The following DCHS2 variants were observed in gnomAD, a reference collection of about 807,000 sequenced individuals.
The protein encoded by DCHS2 is protocadherin-23.
A neutral mutation model predicts 182.4 loss-of-function variants in DCHS2; 142 were observed. The observed-to-expected ratio is 0.78, with a 90% CI of 0.68 to 0.89. The LOEUF is 0.89. Among genes scored for constraint, DCHS2 ranks in the 40% least tolerant of loss-of-function variants. DCHS2 has a pLI of 0.00. For synonymous variants in DCHS2, 1,740 were observed against 1,663.3 expected (o/e 1.05, Z -1.12); for missense variants, 4,319 against 4,198.6 (o/e 1.03, Z -0.79).
At chr4:154,440,355 GTCTATAGTC>G (rs1157117502) in intron 1 of DCHS2, among the ~76,000 whole-genome samples, 1 of 152,152 alleles carries the variant, frequency 6.6e-6, no homozygotes, top group Non-Finnish European at 1.5e-5. Flanking sequence ...TTCAAAATCT[GTCTATAGTC>G]CCACTGTGCT....
chr4:154,253,663 A>ATTAT, intron 16 of DCHS2, among the ~76,000 whole-genome samples: 1 of 152,234 alleles, frequency 6.6e-6, no homozygotes, highest in East Asian at 1.9e-4. Context: ...ATGCTAAAAT[A>ATTAT]TTATTTTAAA....
At chr4:154,457,815 G>T (rs1038121221) in intron 1 of DCHS2, among the ~76,000 whole-genome samples, 3 of 152,094 alleles carry the variant, frequency 2.0e-5, no homozygotes, top group Non-Finnish European at 4.4e-5. Context: ...GTACACCTGG[G>T]GGGAGCACGA....
In DCHS2 at chr4:154,236,808, C is replaced by T. The variant is rs62330241; in HGVS notation, c.7844G>A (p.Gly2615Asp). 1 of 1,613,990 alleles carries T rather than the reference C, an allele frequency of 6.2e-7. No individual in the cohort carries two copies. The highest frequency in any genetic ancestry group is 8.5e-7 in the Non-Finnish European group (1 of 1,179,966). Residue 2615 changes from glycine (G) to aspartate (D), a missense_variant, in exon 20 of 20, where the codon GGT becomes GAT. By Grantham distance (94) the Gly-to-Asp change is moderately conservative (BLOSUM62 -1). Transcript: ENST00000357232. ...FHSEYPYKQV[G>D]YLVLLHSLDR... ...CAGACTGTGAAGCAACACAAGATAA[C>T]CGACTTGCTTATAAGGATATTCTGA... is the stretch of plus-strand genomic sequence containing the variant.
rs1736113045 is a variant in DCHS2 at position 154,322,685 on chromosome 4, A to G, written c.4019-197T>C. On this transcript the variant is annotated intron_variant, in intron 7 of 19. Transcript: ENST00000357232. Reference sequence around the variant, plus strand: ...TTTTATTATGGAAAATGCATACAAAAAAGTGGACAAAATGGTATAATAAAC... The same window carrying G: ...TTTTATTATGGAAAATGCATACAAAGAAGTGGACAAAATGGTATAATAAAC... 4.6e-6 allele frequency: 3 copies of G among 654,862 alleles called. No homozygotes were observed. In the South Asian group the frequency reaches 8.3e-5, roughly 18 times the overall value. The allele number at this position is 654,862 out of a possible 1,614,324, so 40.6% of individuals were successfully genotyped here. A position where few individuals can be genotyped will look rare whatever the true frequency, so the allele number is the denominator to read the frequency against.
chr4:154,423,291 G>A (rs1733185783), intron 1 of DCHS2, among the ~76,000 whole-genome samples: 1 of 152,218 alleles, frequency 6.6e-6, no homozygotes, highest in Admixed American at 6.5e-5. Context: ...TCCCATGAAA[G>A]GAGTCATGTG....
At chr4:154,456,873 G>A (rs1331309353) in intron 1 of DCHS2, among the ~76,000 whole-genome samples, 1 of 152,068 alleles carries the variant, frequency 6.6e-6, no homozygotes, top group East Asian at 1.9e-4. Flanking sequence ...CTATAAGTAG[G>A]TAAACTGTTA....
chr4:154,490,275 G>T lies in DCHS2; in HGVS notation c.1081C>A (p.Leu361Met). The change falls in exon 1 of 20, where the codon CTG becomes ATG. Residue 361 changes from leucine to methionine, a missense_variant. Leu to Met is a conservative substitution (Grantham distance 15). Coordinates refer to ENST00000357232, the MANE Select transcript of DCHS2 (RefSeq NM_001358235.2). The part of the protein sequence containing the change: ...GDAAYFAVEE[L>M]SGVVRVWRPL... ...CTCCACACTCGCACCACGCCGCTCAGCTCCTCCACCGCGAAGTAGGCCGCG... is the reference window on the plus strand; with the variant it reads ...CTCCACACTCGCACCACGCCGCTCATCTCCTCCACCGCGAAGTAGGCCGCG... 6.5e-7 allele frequency: 1 copy of T among 1,548,716 alleles called. No homozygotes were observed. Among genetic ancestry groups the T allele is most frequent in the South Asian group, 1.2e-5 (1 of 84,012 alleles).
Position 154,253,188 on chromosome 4 carries a change from A to AGTGTGT in DCHS2, c.6941+2330_6941+2331insACACAC, listed in dbSNP as rs200352701. Among the ~76,000 whole-genome samples, 220 of 147,580 alleles carry AGTGTGT rather than the reference A, an allele frequency of 1.5e-3. 1 individual carries two copies. The highest frequency in any genetic ancestry group is 5.0e-3 in the African/African-American group (192 of 38,396). ...TGATGCTGGAGAGAGAGAGAGAGAGAGAGAGTGTGTGTGTGTGTGTGTTGT... is the reference window on the plus strand; with the variant it reads ...TGATGCTGGAGAGAGAGAGAGAGAGAGTGTGTGAGAGTGTGTGTGTGTGTGTGTTGT... On this transcript the variant is annotated intron_variant, in intron 16 of 19. Coordinates refer to ENST00000357232, the MANE Select transcript of DCHS2 (RefSeq NM_001358235.2).
intron 1 of DCHS2, among the ~76,000 whole-genome samples, chr4:154,448,623 T>C (rs1734402956): frequency 6.6e-6 from 1 of 152,212 alleles, no homozygotes; most frequent in South Asian, 2.1e-4. Context: ...AGTGAGCTTC[T>C]TGTGACCCCC....
At chr4:154,258,077 C>A (rs1732786781) in intron 15 of DCHS2, among the ~76,000 whole-genome samples, 1 of 152,198 alleles carries the variant, frequency 6.6e-6, no homozygotes, top group Non-Finnish European at 1.5e-5. Context: ...CCTCACTGGG[C>A]AGGGATGATA....
intron 14 of DCHS2, among the ~76,000 whole-genome samples, chr4:154,262,704 CATTT>C (rs1313667612): frequency 6.6e-6 from 1 of 152,176 alleles, no homozygotes; most frequent in African/African-American, 2.4e-5. Flanking sequence ...TGTGTACATG[CATTT>C]GTACAAACCA....
Position 154,332,164 on chromosome 4 carries a change from T to C in DCHS2, c.3730+314A>G, listed in dbSNP as rs1485309581. On this transcript the variant is annotated intron_variant, in intron 5 of 19. Coordinates refer to ENST00000357232, the MANE Select transcript of DCHS2 (RefSeq NM_001358235.2). ...AGGATATATTCAATCCAGTTCTGAC[T>C]ATACCTCTAGTTCAGAAAAAGAACC... is the stretch of plus-strand genomic sequence containing the variant. Among the ~76,000 whole-genome samples, 4 of 152,228 alleles carry C rather than the reference T, an allele frequency of 2.6e-5. 1 individual carries two copies. The highest frequency in any genetic ancestry group is 9.6e-5 in the African/African-American group (4 of 41,462).
chr4:154,234,630 G>A lies in DCHS2; in HGVS notation c.10022C>T (p.Ala3341Val). 6.2e-7 allele frequency: 1 copy of A among 1,614,012 alleles called. No individual in the cohort carries two copies. Among genetic ancestry groups the A allele is most frequent in the South Asian group, 1.1e-5 (1 of 91,074 alleles). ...SLSLLTMQPPALSPLLREGEL... is the reference protein window; with the variant it reads ...SLSLLTMQPPVLSPLLREGEL... ...TCCTTCTCTCAACAGTGGAGACAAGGCAGGAGGCTGCATCGTCAATAGGGA... is the reference window on the plus strand; with the variant it reads ...TCCTTCTCTCAACAGTGGAGACAAGACAGGAGGCTGCATCGTCAATAGGGA... The change falls in exon 20 of 20, where the codon GCC becomes GTC. Residue 3341 changes from alanine to valine, a missense_variant. Transcript: ENST00000357232.
chr4:154,318,397 A>C (rs899887445), intron 9 of DCHS2, among the ~76,000 whole-genome samples: 2 of 151,964 alleles, frequency 1.3e-5, no homozygotes, highest in Admixed American at 6.6e-5. Flanking sequence ...AAGAGAAATG[A>C]AAGTCATCCA....
chr4:154,440,287 C>T (rs533682359), intron 1 of DCHS2, among the ~76,000 whole-genome samples: 6 of 152,230 alleles, frequency 3.9e-5, no homozygotes, highest in South Asian at 2.1e-4. Context: ...AAAAAGTGTA[C>T]GATTGATGGT....
rs1042875003 is a variant in DCHS2, at chr4:154,490,065, G to A, written c.1291C>T (p.Arg431Ter). 6.5e-7 allele frequency: 1 copy of A among 1,548,768 alleles called. No homozygotes were observed. The highest frequency in any genetic ancestry group is 2.0e-5 in the Admixed American group (1 of 50,940). Residue 431 changes from arginine (R) to a stop codon, truncating the protein, a stop_gained, in exon 1 of 20, where the codon CGA becomes TGA. Coordinates refer to ENST00000357232, the MANE Select transcript of DCHS2 (RefSeq NM_001358235.2). LOFTEE classifies it high-confidence loss of function. ...GGVARVSEGA[R>*]PGDYVARVSV... ...ACGCGAGCCACGTAGTCGCCCGGTC[G>A]GGCGCCTTCAGAGACACGGGCGACG... is the stretch of plus-strand genomic sequence containing the variant.
chr4:154,234,432 TG>T lies in DCHS2; in HGVS notation c.*103del. 1 of 1,400,390 alleles carries T rather than the reference TG, an allele frequency of 7.1e-7. No individual in the cohort carries two copies. The highest frequency in any genetic ancestry group is 3.0e-5 in the Admixed American group (1 of 33,562). The allele number at this position is 1,400,390 out of a possible 1,614,324, so 86.7% of individuals were successfully genotyped here. A position where few individuals can be genotyped will look rare whatever the true frequency, so the allele number is the denominator to read the frequency against. On this transcript the variant is annotated 3_prime_UTR_variant, in exon 20 of 20. Coordinates refer to ENST00000357232, the MANE Select transcript of DCHS2 (RefSeq NM_001358235.2). ...AAAACTCTAACTAAATTACATCACT[TG>T]CTTTTAGATAAAAATGAGCCCAATC...
rs1185058450 is a variant in DCHS2 at position 154,237,096 on chromosome 4, A to G, written c.7556T>C (p.Val2519Ala). ...AGGATTTCCACCATCACTGGCTTCC[A>G]CAAGAAATTGAGTTGTTGATATTGT... Reference protein sequence around the residue: ...LDTISTTQFLVEASDGGNPDL... With the variant: ...LDTISTTQFLAEASDGGNPDL... Residue 2519 changes from valine (V) to alanine (A), a missense_variant, in exon 20 of 20, where the codon GTG becomes GCG. Transcript: ENST00000357232. The G allele has an allele frequency of 1.2e-6, 2 of 1,613,664 alleles. No homozygotes were observed. Among genetic ancestry groups the G allele is most frequent in the Non-Finnish European group, 1.7e-6 (2 of 1,179,876 alleles).
At position 154,255,539 on chromosome 4, in the gene DCHS2, G is replaced by A. The variant is rs774862535; in HGVS notation, c.6921C>T (p.Tyr2307=). Residue 2307 remains tyrosine (Y), a synonymous_variant, in exon 16 of 20, where the codon TAC becomes TAT. Coordinates refer to ENST00000357232, the MANE Select transcript of DCHS2 (RefSeq NM_001358235.2). The part of the protein sequence containing the change: ...GVITTKAILD[Y]ELTSSYSLIV... ...CCAACCTGTAGGAGCTGGTGAGCTCGTAATCTAGAATCGCTTTTGTTGTTA... is the reference window on the plus strand; with the variant it reads ...CCAACCTGTAGGAGCTGGTGAGCTCATAATCTAGAATCGCTTTTGTTGTTA... The A allele has an allele frequency of 2.5e-5, 41 of 1,613,490 alleles. No homozygotes were observed. The highest frequency in any genetic ancestry group is 1.2e-4 in the Admixed American group (7 of 59,946).
Sources: allele counts gnomAD v4.1 joint callset (sites outside exome capture counted in the v4.1 genomes callset), GRCh38; gene constraint gnomAD v4.1.1; transcripts MANE v1.5; gene names NCBI Gene and HGNC (gene_info 2026-07-23, HGNC 2026-07-21).